The following TBPL2 variants were observed in gnomAD, a reference collection of about 807,000 sequenced individuals.
The protein encoded by TBPL2 is TATA box-binding protein-like 2.
In TBPL2, 40 loss-of-function variants were observed where a neutral mutation model predicts 38.2. The ratio of observed to expected loss-of-function variants is 1.05; its 90% confidence interval spans 0.81 to 1.36. The LOEUF is 1.36. Among genes scored for constraint, TBPL2 ranks in the 40% most tolerant of loss-of-function variants. TBPL2 has a pLI of 0.00. For synonymous variants in TBPL2, 169 were observed against 171.7 expected (o/e 0.98, Z 0.12); for missense variants, 461 against 456.7 (o/e 1.01, Z -0.09).
At chr14:55,435,672 A>G (rs1356714234) in intron 3 of TBPL2, among the ~76,000 whole-genome samples, 175 bp downstream of exon 3, 1 of 152,224 alleles carries the variant, frequency 6.6e-6, no homozygotes, top group African/African-American at 2.4e-5. Flanking sequence ...ATTCAGCATA[A>G]AGAATGAGAT....
chr14:55,439,930 C>CAAAAAAAAAAAAAAAAAAAA (rs71131272), intron 1 of TBPL2, among the ~76,000 whole-genome samples: 1 of 39,180 alleles, frequency 2.6e-5, no homozygotes, highest in African/African-American at 1.1e-4. Flanking sequence ...GACTCTGTCT[C>CAAAAAAAAAAAAAAAAAAAA]AAAAAAAAAA....
intron 2 of TBPL2, among the ~76,000 whole-genome samples, 167 bp from the exon 3 acceptor site, chr14:55,436,101 C>T (rs952427371): frequency 6.6e-6 from 1 of 152,060 alleles, no homozygotes; most frequent in African/African-American, 2.4e-5. Flanking sequence ...TGTAAAATCC[C>T]AAAGTGAAGT....
chr14:55,436,419 A>T, intron 2 of TBPL2, 142 bp downstream of exon 2: 2 of 799,996 alleles, frequency 2.5e-6, no homozygotes, highest in East Asian at 5.3e-5. Flanking sequence ...TAAAGCCACA[A>T]TCCATTTAGA....
chr14:55,421,081 A>T (rs1885737531), intron 6 of TBPL2, among the ~76,000 whole-genome samples: 1 of 143,320 alleles, frequency 7.0e-6, no homozygotes, highest in South Asian at 2.3e-4. Flanking sequence ...AAAAAAAAGA[A>T]AAAAGAAATT....
In TBPL2 at chr14:55,439,599, T is replaced by C. The variant is rs980865340; in HGVS notation, c.150+797A>G. ...TGAGGTCAAGAGTTCAACACCAGCC[T>C]GGGGAGAAAAGCAAACCCCCCCCCG... On this transcript the variant is annotated intron_variant, in intron 1 of 6. Coordinates refer to ENST00000247219, the Ensembl canonical transcript of TBPL2. Among the ~76,000 whole-genome samples, 216 of 102,818 alleles carry C rather than the reference T, an allele frequency of 2.1e-3. 1 individual carries two copies. Among genetic ancestry groups the C allele is most frequent in the African/African-American group, 8.3e-3 (211 of 25,458 alleles). 67.5% of individuals were successfully genotyped at this position (102,818 alleles called of 152,430 possible). A position where few individuals can be genotyped will look rare whatever the true frequency, so the allele number is the denominator to read the frequency against.
chr14:55,433,752 T>C, intron 3 of TBPL2, 31 bp from the exon 4 acceptor site: 1 of 1,601,320 alleles, frequency 6.2e-7, no homozygotes, highest in Non-Finnish European at 8.5e-7. Flanking sequence ...AGAATTAGCC[T>C]CTGCTAGGAG....
chr14:55,439,263 A>G (rs1346084711), intron 1 of TBPL2, among the ~76,000 whole-genome samples: 1 of 138,686 alleles, frequency 7.2e-6, no homozygotes, highest in Non-Finnish European at 1.5e-5. Flanking sequence ...TTTAAGTCTT[A>G]AGAGTAATTA....
chr14:55,440,447 C>A (rs1886092884), exon 1 of TBPL2: 1 of 1,612,796 alleles, frequency 6.2e-7, no homozygotes, highest in Non-Finnish European at 8.5e-7. Context: ...CCTCCTGCTC[C>A]ATGGACCGTA....
At chr14:55,428,963 G>A (rs1885878100) in exon 5 of TBPL2, 1 of 1,613,960 alleles carries the variant, frequency 6.2e-7, no homozygotes, top group South Asian at 1.1e-5. Context: ...TGCAAGTCGA[G>A]ACTGCTCTTC....
chr14:55,437,068 A>G (rs1275463636), intron 1 of TBPL2, 50 bp from the exon 2 acceptor site: 18 of 1,517,694 alleles, frequency 1.2e-5, no homozygotes, highest in Non-Finnish European at 1.6e-5. Context: ...ACAGAACAGC[A>G]TGTTACACAA....
intron 6 of TBPL2, among the ~76,000 whole-genome samples, chr14:55,416,453 G>C (rs1019277425): frequency 6.6e-6 from 1 of 152,040 alleles, no homozygotes; most frequent in African/African-American, 2.4e-5. Context: ...AAAATAAAAA[G>C]AGAAAAAATA....
rs369306380 is a variant in TBPL2, at chr14:55,436,728, G to C, written c.441C>G (p.Asn147Lys). ...AATGGGAATTTGACAAACTGCTGCT[G>C]TTTAAGCCCAGCCCAACGTCCTGTT... The change falls in exon 2 of 7, where the codon AAC (asparagine) becomes AAG (lysine). Residue 147 changes from asparagine (N) to lysine (K), a missense_variant. Physicochemically the swap from Asn to Lys is moderately conservative, Grantham distance 94. Transcript: ENST00000247219. 3.7e-6 allele frequency: 6 copies of C among 1,614,194 alleles called. No individual in the cohort carries two copies. Among genetic ancestry groups the C allele is most frequent in the East Asian group, 2.2e-5 (1 of 44,884 alleles).
intron 6 of TBPL2, among the ~76,000 whole-genome samples, chr14:55,423,641 T>C (rs138221438): frequency 6.6e-5 from 10 of 152,342 alleles, no homozygotes; most frequent in African/African-American, 2.2e-4. Context: ...GGAAAAAATA[T>C]TACATAACAC....
chr14:55,414,491 T>C (rs1566589222), intron 6 of TBPL2, 36 bp from the exon 7 acceptor site: 2 of 1,442,556 alleles, frequency 1.4e-6, no homozygotes, highest in African/African-American at 1.5e-5. Context: ...ATTTTTAATA[T>C]AAAAATACCA....
chr14:55,440,475 G>C (rs760013630), exon 1 of TBPL2: 15 of 1,612,246 alleles, frequency 9.3e-6, no homozygotes, highest in Non-Finnish European at 1.3e-5. Flanking sequence ...TGTTGGGGGT[G>C]GGGGCGGGTA....
chr14:55,436,708 G>C (rs1413183125), exon 2 of TBPL2: 2 of 1,614,194 alleles, frequency 1.2e-6, no homozygotes. Flanking sequence ...CTGTGAATGG[G>C]AATTTGACAA....
exon 2 of TBPL2, chr14:55,436,696 A>G: frequency 6.2e-7 from 1 of 1,614,222 alleles, no homozygotes. Context: ...ACCAGGGTGC[A>G]GCTGTGAATG....
chr14:55,429,016 C>T, intron 4 of TBPL2, 42 bp from the exon 5 acceptor site: 1 of 1,605,442 alleles, frequency 6.2e-7, no homozygotes, highest in Non-Finnish European at 8.5e-7. Context: ...TTAATCGCTA[C>T]ATCCTCTCAA....
Position 55,414,475 on chromosome 14 carries a change from T to C in TBPL2, c.1052-20A>G. ...TGGCACCTATAAAGAAATCCAGGTT[T>C]ATATAATTTTTAATATAAAAATACC... On this transcript the variant is annotated intron_variant, in intron 6 of 6. Transcript: ENST00000247219. 6.5e-7 allele frequency: 1 copy of C among 1,543,992 alleles called. No individual in the cohort carries two copies. The highest frequency in any genetic ancestry group is 8.7e-7 in the Non-Finnish European group (1 of 1,143,524).
Sources: gnomAD v4.1 joint callset for allele counts (sites outside exome capture counted in the v4.1 genomes callset) on GRCh38, gnomAD v4.1.1 for gene constraint, MANE v1.5 for transcripts, NCBI Gene and HGNC (gene_info 2026-07-23, HGNC 2026-07-21) for gene names.